Variants in SETD2 observed in about 807,000 individuals in gnomAD.
SETD2 encodes the protein histone-lysine N-methyltransferase SETD2.
Under a neutral mutation model 242.1 loss-of-function variants are expected in SETD2, and 31 were observed. The observed-to-expected ratio is 0.13, with a 90% CI of 0.10 to 0.17. The LOEUF (loss-of-function observed/expected upper bound fraction) is 0.17, where lower values mean the gene tolerates loss of function less well. Ranked by LOEUF, SETD2 falls within the 10% of genes least tolerant of loss-of-function variation. The pLI is 1.00. For synonymous variants in SETD2, 1,006 were observed against 1,066.5 expected, an observed-to-expected ratio of 0.94 and a Z score of 1.11; for missense variants, 2,481 against 3,046.3, an observed-to-expected ratio of 0.81 and a Z score of 4.37.
chr3:47,059,044 C>T (rs895949948), intron 14 of SETD2, among the ~76,000 whole-genome samples: 2 of 150,022 alleles, frequency 1.3e-5, no homozygotes, highest in Non-Finnish European at 3.0e-5. Context: ...CTCCTGACCT[C>T]GTGATCCGCC....
intron 1 of SETD2, among the ~76,000 whole-genome samples, chr3:47,127,314 C>T (rs1429958240): frequency 2.7e-5 from 4 of 149,598 alleles, no homozygotes; most frequent in Admixed American, 2.0e-4. Flanking sequence ...GCCATGATCA[C>T]ACCACTGCAC....
rs769399537 is a variant in SETD2 at position 47,121,643 on chromosome 3, A to G, written c.2993T>C (p.Val998Ala). The G allele has an allele frequency of 1.2e-6, 2 of 1,614,022 alleles. No homozygotes were observed. Among genetic ancestry groups the G allele is most frequent in the Non-Finnish European group, 1.7e-6 (2 of 1,179,940 alleles). ...ATTCAAATCACAAGAAGAAAATACA[A>G]CTTCTGAGTCATCAGAAGTATGCAC... ...GHVHTSDDSE[V>A]VFSSCDLNLT... The change falls in exon 3 of 21, where the codon GTT becomes GCT. Residue 998 changes from valine (V) to alanine (A), a missense_variant. Transcript: ENST00000409792.
chr3:47,059,117 T>C (rs895002281), intron 14 of SETD2, among the ~76,000 whole-genome samples: 6 of 144,338 alleles, frequency 4.2e-5, no homozygotes, highest in African/African-American at 1.3e-4. Context: ...CCTTTTTTTT[T>C]TTTTTTTTTT....
At chr3:47,051,069 G>A (rs1423130107) in intron 15 of SETD2, among the ~76,000 whole-genome samples, 1 of 151,054 alleles carries the variant, frequency 6.6e-6, no homozygotes, top group Non-Finnish European at 1.5e-5. Flanking sequence ...ATGTGCAAGT[G>A]ACCATATTCT....
chr3:47,091,087 C>T (rs2041784881), intron 9 of SETD2, among the ~76,000 whole-genome samples: 1 of 152,086 alleles, frequency 6.6e-6, no homozygotes, highest in Non-Finnish European at 1.5e-5. Context: ...TTTCCAATAC[C>T]ACTTAAGTTT....
chr3:47,164,814 G>T (rs1697623798), upstream of SETD2, among the ~76,000 whole-genome samples: 1 of 152,176 alleles, frequency 6.6e-6, no homozygotes. The surrounding 1 kb of genome is among the most constrained non-coding windows in gnomAD (Gnocchi z 5.4). Flanking sequence ...ACCTCGGCGC[G>T]GCGCTCTGCC....
chr3:47,091,404 A>T (rs1211994673), intron 9 of SETD2, among the ~76,000 whole-genome samples: 4 of 152,168 alleles, frequency 2.6e-5, no homozygotes, highest in African/African-American at 9.7e-5. Flanking sequence ...AGGCGGACAG[A>T]TCACCTGAGG....
At chr3:47,158,902 T>A (rs1250739528) in intron 1 of SETD2, among the ~76,000 whole-genome samples, 1 of 152,146 alleles carries the variant, frequency 6.6e-6, no homozygotes, top group African/African-American at 2.4e-5. Flanking sequence ...ACCGAAGAGG[T>A]AATTTTCCCA....
intron 1 of SETD2, among the ~76,000 whole-genome samples, chr3:47,145,101 T>G (rs1170993981): frequency 6.6e-6 from 1 of 152,166 alleles, no homozygotes; most frequent in South Asian, 2.1e-4. Context: ...GTGAGAACAC[T>G]GAAAAATCAA....
intron 1 of SETD2, among the ~76,000 whole-genome samples, chr3:47,148,542 T>C (rs1396903184): frequency 1.3e-5 from 2 of 152,212 alleles, no homozygotes; most frequent in African/African-American, 4.8e-5. Flanking sequence ...TCAAGTATTC[T>C]CCAATTTTTT....
chr3:47,114,123 T>C (rs749779398), intron 4 of SETD2, 119 bp from the exon 5 acceptor site: 118 of 989,068 alleles, frequency 1.2e-4, no homozygotes, highest in Middle Eastern at 4.9e-4. Flanking sequence ...AATTAGCATA[T>C]GTATGACTAA....
chr3:47,021,936 CAA>C (rs1000465814), intron 18 of SETD2, among the ~76,000 whole-genome samples: 1 of 152,016 alleles, frequency 6.6e-6, no homozygotes, highest in African/African-American at 2.4e-5. Context: ...ATCACGAGGT[CAA>C]GAGATCAAGA....
In SETD2 at chr3:47,122,727, T is replaced by C. The variant is rs1375222452; in HGVS notation, c.1909A>G (p.Lys637Glu). The change falls in exon 3 of 21, where the codon AAG (lysine) becomes GAG (glutamate). Residue 637 changes from lysine to glutamate, a missense_variant. Transcript: ENST00000409792. The stretch of plus-strand genomic sequence containing the variant: ...CTATCATGTGTTATAAATTCGGACT[T>C]AAAAATAGGCAATTCATCTAGCTTT... ...LKKLDELPIF[K>E]SEFITHDSHD... 1.2e-5 allele frequency: 20 copies of C among 1,611,338 alleles called. No homozygotes were observed. Among genetic ancestry groups the C allele is most frequent in the Non-Finnish European group, 1.7e-5 (20 of 1,179,118 alleles).
rs754699948 is a variant in SETD2 at position 47,057,084 on chromosome 3, C to G, written c.6700G>C (p.Glu2234Gln). 2 of 1,614,200 alleles carry G rather than the reference C, an allele frequency of 1.2e-6. No individual in the cohort carries two copies. The highest frequency in any genetic ancestry group is 1.7e-6 in the Non-Finnish European group (2 of 1,180,018). Residue 2234 changes from glutamate to glutamine, a missense_variant, in exon 15 of 21, where the codon GAA becomes CAA. Glu to Gln is a conservative substitution (Grantham distance 29). Transcript: ENST00000409792. ...PVVPHVAAPVEVSSSQYVAQS... is the reference protein window; with the variant it reads ...PVVPHVAAPVQVSSSQYVAQS... ...GCCACATACTGGGAACTGGAAACTT[C>G]CACAGGAGCTGCCACATGTGGCACC...
At chr3:47,117,879 T>C (rs1193498923) in intron 3 of SETD2, among the ~76,000 whole-genome samples, 1 of 152,186 alleles carries the variant, frequency 6.6e-6, no homozygotes, top group Non-Finnish European at 1.5e-5. Context: ...TTTACCCTGG[T>C]CTAAAAACAA....
intron 14 of SETD2, among the ~76,000 whole-genome samples, chr3:47,058,919 A>G (rs934390626): frequency 2.5e-4 from 37 of 149,388 alleles, no homozygotes; most frequent in Admixed American, 1.5e-3. Context: ...CTCAGCCTCC[A>G]GAGTAGCTGG....
At chr3:47,041,487 C>CA (rs1021341029) in intron 17 of SETD2, 50 of 203,244 alleles carry the variant, frequency 2.5e-4, no homozygotes, top group African/African-American at 3.9e-4. Flanking sequence ...TCTGTCTCTA[C>CA]AAAAAAAAGA....
chr3:47,147,172 G>A (rs996717730), intron 1 of SETD2, among the ~76,000 whole-genome samples: 3 of 151,440 alleles, frequency 2.0e-5, no homozygotes, highest in South Asian at 2.1e-4. Context: ...CACCACACCC[G>A]CTAATTTTTT....
chr3:47,075,780 T>A (rs1303622209), intron 12 of SETD2, among the ~76,000 whole-genome samples: 1 of 152,144 alleles, frequency 6.6e-6, no homozygotes. Context: ...GATTCCACTT[T>A]ACAGCTGATA....
Sources: gnomAD v4.1 joint callset for allele counts (sites outside exome capture counted in the v4.1 genomes callset) on GRCh38, gnomAD v4.1.1 for gene constraint, Gnocchi (gnomAD v3.1) non-coding constraint, MANE v1.5 for transcripts, NCBI Gene and HGNC (gene_info 2026-07-23, HGNC 2026-07-21) for gene names.